Variants in BBX observed in about 807,000 individuals in gnomAD.
BBX encodes HMG box transcription factor BBX.
BBX carries 30 observed loss-of-function variants against 100.2 expected under a neutral mutation model. The ratio of observed to expected loss-of-function variants is 0.30; its 90% CI spans 0.22 to 0.41. BBX has a LOEUF of 0.41. Among genes scored for constraint, BBX ranks in the 10% least tolerant of loss-of-function variants. The pLI, the probability that BBX is intolerant of heterozygous loss-of-function variation, is 1.00. For missense variants in BBX, 1,023 were observed against 1,129.8 expected (o/e 0.91, Z 1.35); for synonymous variants, 376 against 388.1 (o/e 0.97, Z 0.37).
chr3:107,795,159 A>G (rs144445158), intron 15 of BBX, among the ~76,000 whole-genome samples: 2 of 152,310 alleles, frequency 1.3e-5, no homozygotes, highest in East Asian at 3.9e-4. Context: ...CTAGCTTGCT[A>G]TCTTTGTACT....
At chr3:107,604,719 TC>T (rs1170413565) in intron 2 of BBX, among the ~76,000 whole-genome samples, 2 of 152,108 alleles carry the variant, frequency 1.3e-5, no homozygotes, top group Non-Finnish European at 2.9e-5. Context: ...GGCCTCTCCT[TC>T]CCCATGCTTA....
At chr3:107,784,173 A>G (rs565318088) in intron 13 of BBX, among the ~76,000 whole-genome samples, 8 of 152,192 alleles carry the variant, frequency 5.3e-5, no homozygotes, top group Non-Finnish European at 8.8e-5. Context: ...ACCAGACAAT[A>G]AATAAGCCTA....
Position 107,523,001 on chromosome 3 carries a change from G to T in BBX, c.-262G>T, listed in dbSNP as rs115481680. ...ATGTGGAGCAGTGTACAGTGAAGCG[G>T]AGGCAGAGCGGCTCCGCGAGCTTCT... On this transcript the variant is annotated 5_prime_UTR_variant, in exon 1 of 18. Coordinates refer to ENST00000325805, the MANE Select transcript of BBX (RefSeq NM_001142568.3). The T allele has an allele frequency of 6.5e-6, 1 of 153,112 alleles. No homozygotes were observed. Among genetic ancestry groups the T allele is most frequent in the Non-Finnish European group, 1.5e-5 (1 of 68,578 alleles). The allele number at this position is 153,112 out of a possible 1,614,324, so 9.5% of individuals were successfully genotyped here.
chr3:107,716,561 T>G (rs2062121900), intron 4 of BBX, 46 bp from the exon 5 acceptor site: 1 of 1,587,182 alleles, frequency 6.3e-7, no homozygotes, highest in Admixed American at 1.8e-5. Flanking sequence ...AAATCAAAAT[T>G]ATCCAAAATA....
intron 7 of BBX, among the ~76,000 whole-genome samples, chr3:107,734,831 C>T (rs2063539432): frequency 6.6e-6 from 1 of 152,108 alleles, no homozygotes; most frequent in Admixed American, 6.6e-5. Context: ...CTTAAGAAGG[C>T]AGAGTTTTGA....
chr3:107,589,577 C>G (rs959937075), intron 2 of BBX, among the ~76,000 whole-genome samples: 3 of 152,166 alleles, frequency 2.0e-5, no homozygotes, highest in Non-Finnish European at 4.4e-5. Flanking sequence ...GTAGTTGGCA[C>G]TGTTTGAAGA....
intron 3 of BBX, among the ~76,000 whole-genome samples, chr3:107,671,505 G>T (rs1303464782): frequency 6.6e-6 from 1 of 151,910 alleles, no homozygotes; most frequent in Admixed American, 6.6e-5. Context: ...ACATCTCAAT[G>T]TTATTCACAA....
chr3:107,741,624 C>G (rs925737578), intron 7 of BBX, among the ~76,000 whole-genome samples: 1 of 151,916 alleles, frequency 6.6e-6, no homozygotes, highest in Non-Finnish European at 1.5e-5. Flanking sequence ...ATATCTTTGA[C>G]TATTTTGTAT....
chr3:107,799,247 C>T (rs1342324660), intron 16 of BBX, among the ~76,000 whole-genome samples: 1 of 152,048 alleles, frequency 6.6e-6, no homozygotes, highest in East Asian at 1.9e-4. Context: ...TGTCCCCAGC[C>T]ACATGCAGCC....
At chr3:107,680,149 T>C (rs2059496176) in intron 3 of BBX, among the ~76,000 whole-genome samples, 1 of 152,148 alleles carries the variant, frequency 6.6e-6, no homozygotes, top group Non-Finnish European at 1.5e-5. Context: ...TTTTGGATGA[T>C]GGAGAAGCAA....
chr3:107,748,345 A>G (rs1017927315), intron 9 of BBX, among the ~76,000 whole-genome samples: 6 of 152,232 alleles, frequency 3.9e-5, no homozygotes, highest in Admixed American at 1.3e-4. Context: ...ACTGCTGTCA[A>G]CAAGAATGTC....
chr3:107,746,535 T>C (rs1013449376), intron 8 of BBX, among the ~76,000 whole-genome samples: 2 of 152,218 alleles, frequency 1.3e-5, no homozygotes. Context: ...AAAATCCTTA[T>C]CAGATTAAAA....
intron 5 of BBX, among the ~76,000 whole-genome samples, chr3:107,717,972 G>C (rs1195917903): frequency 2.0e-5 from 3 of 151,720 alleles, no homozygotes; most frequent in Non-Finnish European, 4.4e-5. Flanking sequence ...AGAGTTTCAA[G>C]ACATTTTATT....
At chr3:107,615,017 G>C (rs1164577043) in intron 2 of BBX, among the ~76,000 whole-genome samples, 1 of 152,146 alleles carries the variant, frequency 6.6e-6, no homozygotes, top group African/African-American at 2.4e-5. Context: ...GCAGTGAAAA[G>C]TTTTAAGCTA....
intron 2 of BBX, among the ~76,000 whole-genome samples, chr3:107,588,627 GA>G (rs1210257849): frequency 1.2e-4 from 18 of 152,228 alleles, no homozygotes; most frequent in Non-Finnish European, 4.4e-5. Context: ...CTGTGTGCCT[GA>G]ATTTCCCATT....
rs543033887 is a variant in BBX, at chr3:107,696,410, C to G, written c.-9-14042C>G. Among the ~76,000 whole-genome samples, 70 of 151,638 alleles carry G rather than the reference C, an allele frequency of 4.6e-4. 1 individual carries two copies. Among genetic ancestry groups the G allele is most frequent in the African/African-American group, 1.5e-3 (62 of 41,026 alleles). On this transcript the variant is annotated intron_variant, in intron 3 of 17. Transcript: ENST00000325805. ...CAGGCCTGGTGGTGACAAAATCTCT[C>G]AGCATTTGCTTGTCTGTAAAGTATT...
At position 107,797,337 on chromosome 3, in the gene BBX, A is replaced by ATAT. The variant is rs2069789795; in HGVS notation, c.2354-1186_2354-1185insTAT. 2.1e-3 allele frequency among the ~76,000 whole-genome samples: 83 copies of ATAT among 39,346 alleles called. 4 individuals carry two copies. The highest frequency in any genetic ancestry group is 0.011 in the Middle Eastern group (1 of 90). The allele number at this position is 39,346 out of a possible 152,430, so 25.8% of individuals were successfully genotyped here. A position where few individuals can be genotyped will look rare whatever the true frequency, so the allele number is the denominator to read the frequency against. On this transcript the variant is annotated intron_variant, in intron 15 of 17. Transcript: ENST00000325805. ...TCCTCTTAGTTTAGCTTTTCTTCCA[A>ATAT]ATATATATATATATATATATATATA...
chr3:107,683,732 A>G (rs2059690604), intron 3 of BBX, among the ~76,000 whole-genome samples: 1 of 152,208 alleles, frequency 6.6e-6, no homozygotes, highest in Non-Finnish European at 1.5e-5. Flanking sequence ...ACATTCATAC[A>G]AAACTCTGTT....
intron 2 of BBX, among the ~76,000 whole-genome samples, chr3:107,617,834 A>AATAG (rs920084575): frequency 6.6e-6 from 1 of 151,974 alleles, no homozygotes; most frequent in African/African-American, 2.4e-5. Context: ...GTCATCTGTA[A>AATAG]ATAGGGATCG....
Sources: gnomAD v4.1 joint callset for allele counts (sites outside exome capture counted in the v4.1 genomes callset) on GRCh38, gnomAD v4.1.1 for gene constraint, MANE v1.5 for transcripts, NCBI Gene and HGNC (gene_info 2026-07-23, HGNC 2026-07-21) for gene names.